The following CUX1 variants were observed in gnomAD, a reference collection of about 807,000 sequenced individuals.
CUX1 encodes the protein protein CASP.
Under a neutral mutation model 158.8 loss-of-function variants are expected in CUX1, and 31 were observed. That is an observed-to-expected ratio of 0.20 (90% CI 0.15 to 0.26). The LOEUF is 0.26. CUX1 is among the 10% of genes least tolerant of loss of function. The pLI is 1.00. For synonymous variants in CUX1, 879 were observed against 862.1 expected, an observed-to-expected ratio of 1.02 and a Z score of -0.34; for missense variants, 1,589 against 2,014.6, an observed-to-expected ratio of 0.79 and a Z score of 4.04.
At chr7:102,093,346 C>T (rs1828847075) in intron 4 of CUX1, among the ~76,000 whole-genome samples, 1 of 151,950 alleles carries the variant, frequency 6.6e-6, no homozygotes, top group Non-Finnish European at 1.5e-5. Context: ...CCACCATGCC[C>T]GGCTAATTTT....
At chr7:101,912,938 T>G (rs1187123927) in intron 1 of CUX1, among the ~76,000 whole-genome samples, 1 of 152,186 alleles carries the variant, frequency 6.6e-6, no homozygotes, top group Non-Finnish European at 1.5e-5. Context: ...GCCTCTGCAT[T>G]TGGGACCCCC....
chr7:102,032,437 G>A (rs13243569), intron 3 of CUX1, among the ~76,000 whole-genome samples: 30,105 of 150,856 alleles, frequency 0.2, 3,516 homozygotes, highest in East Asian at 0.6. Context: ...AGGCTGAGGC[G>A]GGTGGATCAC....
At chr7:101,858,867 T>C (rs181091944) in intron 1 of CUX1, among the ~76,000 whole-genome samples, 54 of 152,254 alleles carry the variant, frequency 3.5e-4, no homozygotes, top group African/African-American at 1.3e-3. Context: ...GGTTTCGCCA[T>C]GTTGGCCAGG....
intron 19 of CUX1, chr7:102,280,210 G>A: frequency 1.3e-6 from 1 of 796,888 alleles, no homozygotes; most frequent in East Asian, 2.6e-5. Flanking sequence ...CTATCCCTGA[G>A]CACTCGGCCT....
chr7:102,201,919 G>A lies in CUX1; in HGVS notation c.2622G>A (p.Ser874=), dbSNP rs782779604. The change falls in exon 18 of 24, where the codon TCG becomes TCA. Residue 874 remains serine, a synonymous_variant. Coordinates refer to ENST00000292535, the MANE Select transcript of CUX1 (RefSeq NM_181552.4). The surrounding 1 kb of genome is among the most constrained non-coding windows in gnomAD (Gnocchi z 5.0). ...AGCGCAGTCAGCTCCAGGGACCCTC[G>A]TCGTCAGAGTACTGGAAGGAGTGGC... is the stretch of plus-strand genomic sequence containing the variant. ...RAERSQLQGP[S]SSEYWKEWPS... is the part of the protein sequence containing the mutation. 54 of 1,613,904 alleles carry A rather than the reference G, an allele frequency of 3.3e-5. No individual in the cohort carries two copies. Among genetic ancestry groups the A allele is most frequent in the South Asian group, 1.8e-4 (16 of 91,076 alleles).
At chr7:102,039,466 C>T (rs1252635436) in intron 3 of CUX1, among the ~76,000 whole-genome samples, 1 of 152,068 alleles carries the variant, frequency 6.6e-6, no homozygotes, top group East Asian at 1.9e-4. Context: ...CCAGCCTTGG[C>T]AACGTAGTGA....
intron 4 of CUX1, among the ~76,000 whole-genome samples, chr7:102,077,528 T>TA (rs35999980): frequency 0.67 from 75,856 of 113,902 alleles, 27,061 homozygotes; most frequent in East Asian, 0.97. Context: ...CCCATCTCTT[T>TA]AAAAAAAAAA....
At chr7:101,998,737 C>T (rs1447724991) in intron 2 of CUX1, among the ~76,000 whole-genome samples, 1 of 152,162 alleles carries the variant, frequency 6.6e-6, no homozygotes, top group East Asian at 1.9e-4. Context: ...TGACCAGGCT[C>T]TGGCCAGGGT....
At chr7:102,034,439 G>A (rs1159782670) in intron 3 of CUX1, among the ~76,000 whole-genome samples, 1 of 152,020 alleles carries the variant, frequency 6.6e-6, no homozygotes, top group Non-Finnish European at 1.5e-5. Context: ...GGACAATGTG[G>A]TGGAACCCTG....
At chr7:102,202,269 T>A in intron 18 of CUX1, 65 bp downstream of exon 18, 1 of 1,528,580 alleles carries the variant, frequency 6.5e-7, no homozygotes, top group Non-Finnish European at 8.8e-7. Flanking sequence ...ACCAAGTATC[T>A]ATCCCGCAGC....
Position 102,104,371 on chromosome 7 carries a change from G to C in CUX1, c.442G>C (p.Glu148Gln). 6.2e-7 allele frequency: 1 copy of C among 1,610,726 alleles called. No homozygotes were observed. Among genetic ancestry groups the C allele is most frequent in the South Asian group, 1.1e-5 (1 of 91,034 alleles). Residue 148 changes from glutamate to glutamine, a missense_variant, in exon 6 of 24, where the codon GAA becomes CAA. Transcript: ENST00000292535. Reference sequence around the variant, plus strand: ...AAAAGCACTTAAAGAGAAAATCCGAGAATATGAACAGACACTGAAGAACCA... The same window carrying C: ...AAAAGCACTTAAAGAGAAAATCCGACAATATGAACAGACACTGAAGAACCA... ...TIKALKEKIREYEQTLKNQAE... is the reference protein window; with the variant it reads ...TIKALKEKIRQYEQTLKNQAE...
At chr7:102,071,377 C>G (rs937243763) in intron 4 of CUX1, among the ~76,000 whole-genome samples, 1 of 152,122 alleles carries the variant, frequency 6.6e-6, no homozygotes, top group African/African-American at 2.4e-5. Context: ...AGGTAGAGTG[C>G]CTTGAACTCT....
chr7:102,206,183 C>T (rs1795930887), intron 20 of CUX1, among the ~76,000 whole-genome samples: 2 of 151,980 alleles, frequency 1.3e-5, no homozygotes, highest in African/African-American at 2.4e-5. Context: ...CAGATGCAGC[C>T]GGGGCACCTC....
At chr7:101,948,633 G>A (rs1808668234) in intron 2 of CUX1, among the ~76,000 whole-genome samples, 1 of 152,182 alleles carries the variant, frequency 6.6e-6, no homozygotes, top group African/African-American at 2.4e-5. Context: ...TTTGTTGTAA[G>A]AGCCAAATTA....
At chr7:102,140,580 C>T (rs1834334968) in intron 8 of CUX1, among the ~76,000 whole-genome samples, 1 of 151,194 alleles carries the variant, frequency 6.6e-6, no homozygotes. Context: ...GAGTTCGAGG[C>T]TGGGTGCAGT....
At chr7:101,994,647 G>T (rs968151173) in intron 2 of CUX1, among the ~76,000 whole-genome samples, 2 of 152,068 alleles carry the variant, frequency 1.3e-5, no homozygotes. Context: ...TCCCAGATCC[G>T]TGCCTCTGGA....
At chr7:102,043,329 G>C (rs1295828591) in intron 3 of CUX1, among the ~76,000 whole-genome samples, 48 of 120,092 alleles carry the variant, frequency 4.0e-4, no homozygotes, top group African/African-American at 1.6e-3. Context: ...CTCACTGTGT[G>C]TGTGTGTGTG....
chr7:102,056,156 G>A (rs1314132379), intron 3 of CUX1, among the ~76,000 whole-genome samples: 1 of 152,224 alleles, frequency 6.6e-6, no homozygotes, highest in Non-Finnish European at 1.5e-5. Flanking sequence ...AAAGTGCAAA[G>A]TAAAGCAGCA....
At chr7:101,856,892 A>G (rs1796896116) in intron 1 of CUX1, among the ~76,000 whole-genome samples, 1 of 152,064 alleles carries the variant, frequency 6.6e-6, no homozygotes, top group African/African-American at 2.4e-5. Context: ...CACGCCTGCC[A>G]GCCGTACCAC....
Sources: gnomAD v4.1 joint callset for allele counts (sites outside exome capture counted in the v4.1 genomes callset) on GRCh38, gnomAD v4.1.1 for gene constraint, Gnocchi (gnomAD v3.1) non-coding constraint, MANE v1.5 for transcripts, NCBI Gene and HGNC (gene_info 2026-07-23, HGNC 2026-07-21) for gene names.